NTN1: variants seen among roughly 807,000 people sequenced by gnomAD.
The protein encoded by NTN1 is netrin 1.
In NTN1, 11 loss-of-function variants were observed where a neutral mutation model predicts 54.2. The observed-to-expected ratio is 0.20, with a 90% CI of 0.13 to 0.34. The LOEUF is 0.34. Among genes scored for constraint, NTN1 ranks in the 10% least tolerant of loss-of-function variants. The pLI is 1.00. For missense variants in NTN1, 740 were observed against 893.1 expected (o/e 0.83, Z 2.18); for synonymous variants, 371 against 382.0 (o/e 0.97, Z 0.33).
At chr17:9,078,327 G>A (rs1260449983) in intron 2 of NTN1, among the ~76,000 whole-genome samples, 1 of 152,176 alleles carries the variant, frequency 6.6e-6, no homozygotes, top group Non-Finnish European at 1.5e-5. Context: ...GGATCGTTAG[G>A]AACAACTTCT....
At chr17:9,203,078 A>T (rs984673014) in intron 5 of NTN1, among the ~76,000 whole-genome samples, 1 of 152,016 alleles carries the variant, frequency 6.6e-6, no homozygotes, top group Non-Finnish European at 1.5e-5. Context: ...CTGGCCACCA[A>T]GCCTGGCTAA....
chr17:9,118,394 T>A (rs1485297519), intron 2 of NTN1, among the ~76,000 whole-genome samples: 1 of 152,196 alleles, frequency 6.6e-6, no homozygotes, highest in Non-Finnish European at 1.5e-5. Flanking sequence ...GGTGCGCACC[T>A]GTAGTCCCAG....
intron 2 of NTN1, among the ~76,000 whole-genome samples, chr17:9,026,078 G>C (rs981815053): frequency 6.6e-6 from 1 of 152,042 alleles, no homozygotes; most frequent in Admixed American, 6.6e-5. Context: ...TTTGGTCTTT[G>C]CTTTTATAAA....
At chr17:9,177,818 CT>C (rs2092404884) in intron 3 of NTN1, 1 of 152,328 alleles carries the variant, frequency 6.6e-6, no homozygotes, top group Admixed American at 6.5e-5. Flanking sequence ...AAGGCTGGAT[CT>C]TTTCTTACTG....
intron 2 of NTN1, among the ~76,000 whole-genome samples, chr17:9,107,723 A>C (rs1437307003): frequency 6.6e-6 from 1 of 152,230 alleles, no homozygotes; most frequent in African/African-American, 2.4e-5. Flanking sequence ...TTTTATTGGC[A>C]CACAGCCACA....
chr17:9,075,702 T>C (rs1024371633), intron 2 of NTN1, among the ~76,000 whole-genome samples: 1 of 152,082 alleles, frequency 6.6e-6, no homozygotes, highest in African/African-American at 2.4e-5. Flanking sequence ...GGGACTTCAG[T>C]CCTATGGCCT....
At chr17:9,114,820 G>A (rs2092205352) in intron 2 of NTN1, among the ~76,000 whole-genome samples, 1 of 152,156 alleles carries the variant, frequency 6.6e-6, no homozygotes, top group African/African-American at 2.4e-5. Context: ...ATAAACTGTT[G>A]GGCAGCACTT....
At chr17:9,120,706 C>T (rs2092229337) in intron 2 of NTN1, among the ~76,000 whole-genome samples, 1 of 152,250 alleles carries the variant, frequency 6.6e-6, no homozygotes, top group South Asian at 2.1e-4. Context: ...TTGATGTGGG[C>T]AGAGTTGGTG....
rs1905284452 is a variant in NTN1 at position 9,219,525 on chromosome 17, A to G, written c.1412-1643A>G. ...GAAGCGGTGGGAGGCTACCACACCCATGGCCCCCAAGGTAGTGGGATAGAG... is the reference window on the plus strand; with the variant it reads ...GAAGCGGTGGGAGGCTACCACACCCGTGGCCCCCAAGGTAGTGGGATAGAG... On this transcript the variant is annotated intron_variant, in intron 5 of 6. Transcript: ENST00000173229. The surrounding 1 kb of genome is among the most constrained non-coding windows in gnomAD (Gnocchi z 4.5). 1.3e-5 allele frequency among the ~76,000 whole-genome samples: 2 copies of G among 152,182 alleles called. No individual in the cohort carries two copies. Among genetic ancestry groups the G allele is most frequent in the Admixed American group, 1.3e-4 (2 of 15,286 alleles).
chr17:9,127,273 TGGA>T (rs2092250688), intron 2 of NTN1, among the ~76,000 whole-genome samples: 1 of 151,982 alleles, frequency 6.6e-6, no homozygotes, highest in African/African-American at 2.4e-5. Flanking sequence ...GGGGCTTGGC[TGGA>T]GGAGAGGTGG....
At chr17:9,052,991 T>C (rs1243250883) in intron 2 of NTN1, among the ~76,000 whole-genome samples, 2 of 152,230 alleles carry the variant, frequency 1.3e-5, no homozygotes, top group African/African-American at 4.8e-5. Context: ...TTGCTGTTAT[T>C]ATGTGGATTA....
intron 2 of NTN1, among the ~76,000 whole-genome samples, chr17:9,074,801 G>A (rs7208881): frequency 0.28 from 42,437 of 152,066 alleles, 6,186 homozygotes; most frequent in East Asian, 0.4. Context: ...GCAGGTCCAG[G>A]GGCTGAGGAG....
intron 5 of NTN1, among the ~76,000 whole-genome samples, chr17:9,188,870 T>A (rs1200855723): frequency 6.6e-6 from 1 of 152,126 alleles, no homozygotes; most frequent in Non-Finnish European, 1.5e-5. Context: ...CTGGAGACCG[T>A]GCAGACAGCC....
At chr17:9,180,010 G>A (rs1437126213) in intron 4 of NTN1, 54 bp downstream of exon 4, 5 of 1,564,868 alleles carry the variant, frequency 3.2e-6, no homozygotes, top group Non-Finnish European at 4.3e-6. Context: ...GGGACAGTGA[G>A]CTTTTGAGGA....
At chr17:9,229,336 T>A (rs1905728280) in intron 6 of NTN1, among the ~76,000 whole-genome samples, 1 of 152,330 alleles carries the variant, frequency 6.6e-6, no homozygotes, top group Admixed American at 6.5e-5. Flanking sequence ...CTCCCGCTGC[T>A]GGGACCCGGA....
intron 5 of NTN1, among the ~76,000 whole-genome samples, chr17:9,204,265 C>A (rs994379556): frequency 7.2e-5 from 10 of 138,798 alleles, no homozygotes; most frequent in Non-Finnish European, 1.4e-4. Flanking sequence ...TCTCTCTCTC[C>A]TTCTCTCTCT....
intron 2 of NTN1, among the ~76,000 whole-genome samples, chr17:9,042,318 A>G (rs566237584): frequency 6.6e-6 from 1 of 152,148 alleles, no homozygotes; most frequent in African/African-American, 2.4e-5. Flanking sequence ...TTTTATGCCT[A>G]TATTCAAAAG....
chr17:9,217,740 A>C (rs1364791937), intron 5 of NTN1, among the ~76,000 whole-genome samples: 1 of 151,980 alleles, frequency 6.6e-6, no homozygotes, highest in Non-Finnish European at 1.5e-5. Context: ...TTTTACATAC[A>C]ATTCTAGCAA....
At chr17:9,137,551 G>C (rs577859379) in intron 2 of NTN1, among the ~76,000 whole-genome samples, 2 of 152,332 alleles carry the variant, frequency 1.3e-5, no homozygotes, top group East Asian at 1.9e-4. Flanking sequence ...CCAGCACTTT[G>C]GGAGGCCAAG....
Sources: allele counts gnomAD v4.1 joint callset (sites outside exome capture counted in the v4.1 genomes callset), GRCh38; gene constraint gnomAD v4.1.1; non-coding constraint Gnocchi (gnomAD v3.1); transcripts MANE v1.5; gene names NCBI Gene and HGNC (gene_info 2026-07-23, HGNC 2026-07-21).